Variants in ZCCHC24 observed in about 807,000 individuals in gnomAD.
The protein encoded by ZCCHC24 is zinc finger CCHC domain-containing protein 24.
Under a neutral mutation model 26.2 loss-of-function variants are expected in ZCCHC24, and 10 were observed. The ratio of observed to expected loss-of-function variants is 0.38; its 90% CI spans 0.24 to 0.65. The LOEUF is 0.65. Ranked by LOEUF, ZCCHC24 falls within the 30% of genes least tolerant of loss-of-function variation. The pLI is 0.54. For synonymous variants in ZCCHC24, 144 were observed against 147.1 expected, an observed-to-expected ratio of 0.98 and a Z score of 0.15; for missense variants, 243 against 329.1, an observed-to-expected ratio of 0.74 and a Z score of 2.03.
In ZCCHC24 at chr10:79,432,685, G is replaced by C; in HGVS notation, c.320C>G (p.Ser107Cys). Residue 107 changes from serine (S) to cysteine (C), a missense_variant, in exon 2 of 4, where the codon TCC becomes TGC. Ser to Cys is a moderately radical substitution (Grantham distance 112). Transcript: ENST00000372336. ...CAGGTCTGAGAAGTGCTCGGTGAGG[G>C]AGCTGAGGCCATCGGCGATGTTGTT... The part of the protein sequence containing the change: ...SLNNIADGLS[S>C]LTEHFSDLTL... 6.2e-7 allele frequency: 1 copy of C among 1,608,942 alleles called. No homozygotes were observed. Among genetic ancestry groups the C allele is most frequent in the Middle Eastern group, 1.7e-4 (1 of 6,028 alleles).
intron 1 of ZCCHC24, among the ~76,000 whole-genome samples, chr10:79,434,129 G>A (rs12252959): frequency 6.6e-6 from 1 of 151,986 alleles, no homozygotes; most frequent in Non-Finnish European, 1.5e-5. Context: ...ACTCTGTTCC[G>A]TCTCGTGTGC....
At chr10:79,405,376 G>A (rs1385559362) in intron 2 of ZCCHC24, among the ~76,000 whole-genome samples, 1 of 152,248 alleles carries the variant, frequency 6.6e-6, no homozygotes, top group Non-Finnish European at 1.5e-5. Flanking sequence ...GGCAGCTGGA[G>A]GGGACACCAG....
intron 2 of ZCCHC24, among the ~76,000 whole-genome samples, chr10:79,408,710 T>C (rs1368265024): frequency 6.6e-6 from 1 of 152,156 alleles, no homozygotes; most frequent in Non-Finnish European, 1.5e-5. Context: ...TGAGAAGCCA[T>C]ACAGAAGGTC....
At chr10:79,430,577 A>T (rs1857110709) in intron 2 of ZCCHC24, among the ~76,000 whole-genome samples, 1 of 151,974 alleles carries the variant, frequency 6.6e-6, no homozygotes, top group African/African-American at 2.4e-5. Flanking sequence ...CCACGTTAGC[A>T]CTGTGCTGGA....
chr10:79,445,100 C>G (rs983227143), intron 1 of ZCCHC24, 95 bp downstream of exon 1: 2 of 1,165,930 alleles, frequency 1.7e-6, no homozygotes, highest in African/African-American at 3.4e-5. Context: ...CCGGGCCGCG[C>G]CAGGCCAGGA....
Position 79,445,415 on chromosome 10 carries a change from G to T in ZCCHC24, c.26C>A (p.Thr9Lys). ...GGGCTGGTACACCGAGGCGGCGCTC[G>T]TGTCGATGGCCGACAGCAGGCTCAT... MSLLSAID[T>K]SAASVYQPAQ... The change falls in exon 1 of 4, where the codon ACG becomes AAG. Residue 9 changes from threonine to lysine, a missense_variant. Transcript: ENST00000372336. 1 of 1,488,676 alleles carries T rather than the reference G, an allele frequency of 6.7e-7. No homozygotes were observed. The highest frequency in any genetic ancestry group is 9.0e-7 in the Non-Finnish European group (1 of 1,116,382). 92.2% of individuals were successfully genotyped at this position (1,488,676 alleles called of 1,614,324 possible).
chr10:79,444,229 TC>T (rs2132228451), intron 1 of ZCCHC24: 3 of 1,483,006 alleles, frequency 2.0e-6, no homozygotes, highest in Non-Finnish European at 2.7e-6. Context: ...TGTCTGAAAT[TC>T]CCAAATGAGG....
intron 2 of ZCCHC24, among the ~76,000 whole-genome samples, chr10:79,425,714 A>G (rs1192669032): frequency 6.6e-6 from 1 of 152,244 alleles, no homozygotes; most frequent in East Asian, 1.9e-4. Context: ...TTTTGACAGC[A>G]TTAAATGAGC....
chr10:79,394,006 TG>T (rs985748286), intron 3 of ZCCHC24, among the ~76,000 whole-genome samples: 35 of 152,236 alleles, frequency 2.3e-4, no homozygotes, highest in African/African-American at 8.4e-4. Flanking sequence ...AGTTTTCTGC[TG>T]CTTCCTGCTG....
At chr10:79,402,965 G>C (rs917154062) in intron 2 of ZCCHC24, among the ~76,000 whole-genome samples, 5 of 152,234 alleles carry the variant, frequency 3.3e-5, no homozygotes, top group Admixed American at 6.5e-5. Context: ...CTCTGCACCA[G>C]GCTCTGTGGA....
chr10:79,445,496 A>C lies in ZCCHC24; in HGVS notation c.-56T>G. 7.8e-7 allele frequency: 1 copy of C among 1,283,668 alleles called. No homozygotes were observed. Among genetic ancestry groups the C allele is most frequent in the African/African-American group, 1.6e-5 (1 of 63,968 alleles). 79.5% of individuals were successfully genotyped at this position (1,283,668 alleles called of 1,614,324 possible). A position where few individuals can be genotyped will look rare whatever the true frequency, so the allele number is the denominator to read the frequency against. ...CCGCCCGCTCGCGGCCCCCCTCCGC[A>C]GCGGAGGGGCGGGCACCGGGGAGCC... is the stretch of plus-strand genomic sequence containing the variant. On this transcript the variant is annotated 5_prime_UTR_variant, in exon 1 of 4. Coordinates refer to ENST00000372336, the MANE Select transcript of ZCCHC24 (RefSeq NM_153367.4).
chr10:79,416,958 T>C (rs894122256), intron 2 of ZCCHC24, among the ~76,000 whole-genome samples: 1 of 152,302 alleles, frequency 6.6e-6, no homozygotes, highest in African/African-American at 2.4e-5. Flanking sequence ...GACGGGGCCC[T>C]GCTCAGAGTG....
intron 2 of ZCCHC24, 109 bp downstream of exon 2, chr10:79,432,449 T>G: frequency 6.3e-5 from 71 of 1,118,836 alleles, no homozygotes; most frequent in Non-Finnish European, 7.9e-5. Flanking sequence ...GGGCCACTCA[T>G]TGGTGGAAGG....
intron 2 of ZCCHC24, among the ~76,000 whole-genome samples, chr10:79,424,941 C>T (rs1306302216): frequency 6.6e-6 from 1 of 152,194 alleles, no homozygotes; most frequent in African/African-American, 2.4e-5. Context: ...AGCCCTGGTC[C>T]CCCAGAGTGG....
intron 1 of ZCCHC24, among the ~76,000 whole-genome samples, chr10:79,436,533 C>T (rs950012371): frequency 3.1e-4 from 47 of 152,334 alleles, no homozygotes; most frequent in African/African-American, 1.1e-3. Flanking sequence ...CGCAGCCCCG[C>T]CTGAGTGACC....
intron 2 of ZCCHC24, among the ~76,000 whole-genome samples, chr10:79,424,347 G>A (rs995479864): frequency 3.3e-5 from 5 of 152,210 alleles, no homozygotes; most frequent in Non-Finnish European, 7.3e-5. Flanking sequence ...AGTGGAAGGC[G>A]AGCCTACCTG....
intron 1 of ZCCHC24, among the ~76,000 whole-genome samples, chr10:79,441,196 T>C (rs1034679122): frequency 2.6e-5 from 4 of 152,046 alleles, no homozygotes; most frequent in Non-Finnish European, 5.9e-5. Flanking sequence ...TGGGCAGAAA[T>C]GTGGCTTTGT....
At position 79,386,310 on chromosome 10, in the gene ZCCHC24, G is replaced by C; in HGVS notation, c.*35C>G. The C allele has an allele frequency of 6.3e-7, 1 of 1,592,692 alleles. No individual in the cohort carries two copies. On this transcript the variant is annotated 3_prime_UTR_variant, in exon 4 of 4. Coordinates refer to ENST00000372336, the MANE Select transcript of ZCCHC24 (RefSeq NM_153367.4). The stretch of plus-strand genomic sequence containing the variant: ...AGGGAAGCAGCGTCTCCTCGGGCTG[G>C]CGGGGGGTGGCTCTGGGTGCGGGCG...
intron 2 of ZCCHC24, among the ~76,000 whole-genome samples, chr10:79,422,065 A>G (rs542377077): frequency 6.6e-6 from 1 of 152,252 alleles, no homozygotes; most frequent in East Asian, 1.9e-4. Context: ...TTCCCTTCGC[A>G]TGCTCCCTAA....
Sources: gnomAD v4.1 joint callset for allele counts (sites outside exome capture counted in the v4.1 genomes callset) on GRCh38, gnomAD v4.1.1 for gene constraint, MANE v1.5 for transcripts, NCBI Gene and HGNC (gene_info 2026-07-23, HGNC 2026-07-21) for gene names.